TMEM132C: variants seen among roughly 807,000 people sequenced by gnomAD.
The protein encoded by TMEM132C is protein phosphatase 1, regulatory subunit 152.
In TMEM132C, 29 loss-of-function variants were observed where a neutral mutation model predicts 61.4. The ratio of observed to expected loss-of-function variants is 0.47; its 90% CI spans 0.35 to 0.64. The LOEUF (loss-of-function observed/expected upper bound fraction) is 0.64. TMEM132C is among the 30% of genes least tolerant of loss of function. The probability of loss-of-function intolerance (pLI) is 0.00; values close to 1 mark genes in which losing one functional copy is unlikely to be tolerated. For missense variants in TMEM132C, 1,408 were observed against 1,476.9 expected, an observed-to-expected ratio of 0.95 and a Z score of 0.76; for synonymous variants, 656 against 633.1, an observed-to-expected ratio of 1.04 and a Z score of -0.54.
At chr12:128,307,457 G>A (rs1275857461) in intron 1 of TMEM132C, among the ~76,000 whole-genome samples, 2 of 151,430 alleles carry the variant, frequency 1.3e-5, no homozygotes, top group Admixed American at 1.3e-4. Context: ...AAACAGCAAA[G>A]CTATTAAGGA....
intron 1 of TMEM132C, among the ~76,000 whole-genome samples, chr12:128,329,685 AG>A (rs759501043): frequency 7.6e-4 from 115 of 152,234 alleles, no homozygotes; most frequent in Non-Finnish European, 1.3e-3. Context: ...GACCCCCTGC[AG>A]TTTCTGCCTT....
intron 1 of TMEM132C, among the ~76,000 whole-genome samples, chr12:128,271,370 TATATC>T (rs1265756541): frequency 6.6e-6 from 1 of 151,728 alleles, no homozygotes; most frequent in East Asian, 1.9e-4. Context: ...AATGTGTACA[TATATC>T]AAATCATCAT....
chr12:128,704,300 G>A (rs1954821739), intron 8 of TMEM132C, among the ~76,000 whole-genome samples: 1 of 152,020 alleles, frequency 6.6e-6, no homozygotes, highest in African/African-American at 2.4e-5. Context: ...ATAGCTGTTG[G>A]GTCACTGACA....
chr12:128,487,244 A>G (rs1490052112), intron 2 of TMEM132C, among the ~76,000 whole-genome samples: 3 of 151,986 alleles, frequency 2.0e-5, no homozygotes, highest in African/African-American at 7.3e-5. Context: ...GCTCTTCCTC[A>G]CCCATCCTCC....
intron 4 of TMEM132C, among the ~76,000 whole-genome samples, chr12:128,622,728 C>A (rs1265783084): frequency 1.3e-5 from 2 of 151,988 alleles, no homozygotes; most frequent in East Asian, 3.9e-4. Flanking sequence ...CAGAGGCAGG[C>A]GTGTCGTAGG....
chr12:128,507,363 G>C (rs1203063711), intron 2 of TMEM132C, among the ~76,000 whole-genome samples: 1 of 150,312 alleles, frequency 6.7e-6, no homozygotes, highest in East Asian at 2.0e-4. Context: ...CGTGTGCGAA[G>C]GTTTGTCCAG....
chr12:128,281,405 T>G (rs1184817053), intron 1 of TMEM132C, among the ~76,000 whole-genome samples: 1 of 152,200 alleles, frequency 6.6e-6, no homozygotes, highest in East Asian at 1.9e-4. Flanking sequence ...ATCAAATCCC[T>G]GCTCCACTGT....
intron 2 of TMEM132C, among the ~76,000 whole-genome samples, chr12:128,508,008 G>A (rs763565286): frequency 6.6e-6 from 1 of 152,166 alleles, no homozygotes; most frequent in Non-Finnish European, 1.5e-5. Context: ...TGATGTGGCT[G>A]TACTAACTCT....
At chr12:128,597,043 A>G (rs1384343036) in intron 3 of TMEM132C, among the ~76,000 whole-genome samples, 3 of 152,270 alleles carry the variant, frequency 2.0e-5, no homozygotes, top group African/African-American at 7.2e-5. Flanking sequence ...CCTAGAAGTG[A>G]GTTTCCTTCT....
intron 3 of TMEM132C, among the ~76,000 whole-genome samples, chr12:128,552,147 C>G (rs1565972101): frequency 6.6e-6 from 1 of 152,244 alleles, no homozygotes; most frequent in Non-Finnish European, 1.5e-5. Flanking sequence ...TGCACCTGTG[C>G]TGTTAGGTGC....
intron 5 of TMEM132C, among the ~76,000 whole-genome samples, chr12:128,670,654 A>C (rs1954523126): frequency 6.6e-6 from 1 of 152,230 alleles, no homozygotes; most frequent in Non-Finnish European, 1.5e-5. Flanking sequence ...TATACACCAC[A>C]TTCTCTTTAC....
chr12:128,669,365 C>T (rs1954507441), intron 4 of TMEM132C, 52 bp from the exon 5 acceptor site: 1 of 1,543,232 alleles, frequency 6.5e-7, no homozygotes, highest in Admixed American at 2.0e-5. Context: ...GTCCAGTTCC[C>T]AACAGAATGG....
chr12:128,415,543 G>T lies in TMEM132C; in HGVS notation c.897G>T (p.Arg299Ser), dbSNP rs1264515263. The T allele has an allele frequency of 1.9e-6, 3 of 1,551,256 alleles. No homozygotes were observed. Among genetic ancestry groups the T allele is most frequent in the South Asian group, 1.2e-5 (1 of 84,048 alleles). Reference protein sequence around the residue: ...DGNVVIWLPSRPVKQGEVVTA... With the variant: ...DGNVVIWLPSSPVKQGEVVTA... ...ACGTGGTCATCTGGCTGCCTTCCAGGCCAGTCAAGCAGGGAGAGGTGGTCA... is the reference window on the plus strand; with the variant it reads ...ACGTGGTCATCTGGCTGCCTTCCAGTCCAGTCAAGCAGGGAGAGGTGGTCA... The change falls in exon 2 of 9, where the codon AGG (arginine) becomes AGT (serine). Residue 299 changes from arginine to serine, a missense_variant. Transcript: ENST00000435159. This position sits in a 1 kb window ranked among gnomAD's most constrained non-coding sequence, Gnocchi z 5.8.
At chr12:128,383,697 C>A (rs976771796) in intron 1 of TMEM132C, among the ~76,000 whole-genome samples, 2 of 152,166 alleles carry the variant, frequency 1.3e-5, no homozygotes, top group Non-Finnish European at 2.9e-5. Context: ...CTGGAGCTTG[C>A]TTGAATGAGT....
At chr12:128,624,382 A>G (rs1170654277) in intron 4 of TMEM132C, among the ~76,000 whole-genome samples, 1 of 152,050 alleles carries the variant, frequency 6.6e-6, no homozygotes, top group Non-Finnish European at 1.5e-5. Context: ...CGTCTCTACT[A>G]AAAATACAAA....
intron 1 of TMEM132C, among the ~76,000 whole-genome samples, chr12:128,282,019 A>G (rs1314883642): frequency 6.6e-6 from 1 of 152,250 alleles, no homozygotes; most frequent in Non-Finnish European, 1.5e-5. Flanking sequence ...CTACTCATAC[A>G]TAGTGGAAAA....
At chr12:128,704,860 G>A (rs1250968155) in intron 8 of TMEM132C, among the ~76,000 whole-genome samples, 2 of 152,140 alleles carry the variant, frequency 1.3e-5, no homozygotes, top group East Asian at 3.9e-4. Context: ...GTTTGTTCTG[G>A]GTAAGGATTA....
chr12:128,520,805 G>A lies in TMEM132C; in HGVS notation c.975-23152G>A, dbSNP rs560921069. On this transcript the variant is annotated intron_variant, in intron 2 of 8. Coordinates refer to ENST00000435159, the MANE Select transcript of TMEM132C (RefSeq NM_001136103.3). ...TCTTTTACAGACTAAGAGTTTTTAA[G>A]GATTTAGGGTGGGAGAGTTTATTAG... 3.3e-5 allele frequency among the ~76,000 whole-genome samples: 5 copies of A among 152,126 alleles called. No individual in the cohort carries two copies. The South Asian group carries it at 1.0e-3, about 32-fold the overall frequency.
intron 3 of TMEM132C, among the ~76,000 whole-genome samples, chr12:128,598,021 G>A (rs954072782): frequency 6.6e-6 from 1 of 152,176 alleles, no homozygotes; most frequent in Non-Finnish European, 1.5e-5. Flanking sequence ...GATTTCAGGG[G>A]CTCCCCAGAG....
Sources: allele counts gnomAD v4.1 joint callset (sites outside exome capture counted in the v4.1 genomes callset), GRCh38; gene constraint gnomAD v4.1.1; non-coding constraint Gnocchi (gnomAD v3.1); transcripts MANE v1.5; gene names NCBI Gene and HGNC (gene_info 2026-07-23, HGNC 2026-07-21).